RITA1: variants seen among roughly 807,000 people sequenced by gnomAD.
The protein encoded by RITA1 is RBPJ-interacting and tubulin-associated protein 1.
In RITA1, 15 loss-of-function variants were observed where a neutral mutation model predicts 8.7. The observed-to-expected ratio is 1.72, with a 90% CI of 1.15 to 2.65. RITA1 has a LOEUF of 2.65. RITA1 is among the 30% of genes most tolerant of loss of function. The pLI is 0.00. For missense variants in RITA1, 330 were observed against 363.8 expected (o/e 0.91, Z 0.76); for synonymous variants, 145 against 156.2 (o/e 0.93, Z 0.53).
chr12:113,185,861 G>A lies in RITA1; in HGVS notation c.-357G>A. On this transcript the variant is annotated 5_prime_UTR_variant, in exon 1 of 4. Transcript: ENST00000548278. ...GCGGTGCCCCGGGACGGCCTAGGCT[G>A]CCGGGGGTCCGGGGCCCCAGGCATT... 1 of 1,080,796 alleles carries A rather than the reference G, an allele frequency of 9.3e-7. No individual in the cohort carries two copies. Among genetic ancestry groups the A allele is most frequent in the African/African-American group, 1.6e-5 (1 of 63,476 alleles). 67.0% of individuals were successfully genotyped at this position (1,080,796 alleles called of 1,614,324 possible).
rs201841486 is a variant in RITA1 at position 113,186,917 on chromosome 12, G to A, written c.171G>A (p.Val57=). 6.9e-5 allele frequency: 112 copies of A among 1,614,144 alleles called. No individual in the cohort carries two copies. The highest frequency in any genetic ancestry group is 9.1e-5 in the Non-Finnish European group (107 of 1,180,028). The change falls in exon 3 of 4, where the codon GTG becomes GTA. Residue 57 remains valine, a synonymous_variant. Transcript: ENST00000548278. ...PTPPDFDPPW[V]EKANRTRGVG... is the part of the protein sequence containing the mutation. The stretch of plus-strand genomic sequence containing the variant: ...CACCGGACTTCGATCCGCCCTGGGT[G>A]GAGAAGGCTAACAGAACCAGAGGCG...
chr12:113,189,732 TAAAAAAA>T lies in RITA1; in HGVS notation c.303-1563_303-1557del, dbSNP rs34117781. On this transcript the variant is annotated intron_variant, in intron 3 of 3. Coordinates refer to ENST00000548278, the MANE Select transcript of RITA1 (RefSeq NM_032848.3). ...AGGTATGCCGTGAATATCTGTTGAA[TAAAAAAA>T]AAAAAAAAAAAAAAGGCCAGACAGG... Among the ~76,000 whole-genome samples the T allele has an allele frequency of 2.6e-3, 199 of 76,914 alleles. 2 individuals are homozygous for T. The highest frequency in any genetic ancestry group is 9.7e-3 in the African/African-American group (194 of 20,088). The allele number at this position is 76,914 out of a possible 152,430, so 50.5% of individuals were successfully genotyped here.
chr12:113,189,864 C>T (rs557363533), intron 3 of RITA1, among the ~76,000 whole-genome samples: 149 of 150,958 alleles, frequency 9.9e-4, no homozygotes, highest in African/African-American at 3.5e-3. Context: ...AGTGAGATCC[C>T]TGTCTCTACA....
In RITA1 at chr12:113,187,040, C is replaced by CA. The variant is rs1566104801; in HGVS notation, c.297dup (p.Tyr100IlefsTer12). ...CCACCCTCACACCAAGGAAGAAGAA[C>CA]AAATACAGGTAATGGGGTAGGGAGA... On this transcript the variant is annotated frameshift_variant, in exon 3 of 4. Coordinates refer to ENST00000548278, the MANE Select transcript of RITA1 (RefSeq NM_032848.3). LOFTEE classifies it low-confidence loss of function (END_TRUNC). The CA allele has an allele frequency of 6.3e-7, 1 of 1,586,642 alleles. No individual in the cohort carries two copies. Among genetic ancestry groups the CA allele is most frequent in the Non-Finnish European group, 8.6e-7 (1 of 1,165,718 alleles).
Position 113,186,672 on chromosome 12 carries a change from T to A in RITA1, c.-64-11T>A. On this transcript the variant is annotated splice_polypyrimidine_tract_variant and intron_variant, in intron 2 of 3. Coordinates refer to ENST00000548278, the MANE Select transcript of RITA1 (RefSeq NM_032848.3). ...GTGGCTCAGGGGTGCTACTCTGACC[T>A]CCTCTCACAGGGAGCCTCGGAAGCA... The A allele has an allele frequency of 6.3e-7, 1 of 1,575,740 alleles. No individual in the cohort carries two copies. Among genetic ancestry groups the A allele is most frequent in the Non-Finnish European group, 8.6e-7 (1 of 1,156,836 alleles).
rs1379744797 is a variant in RITA1 at position 113,192,132 on chromosome 12, G to A, written c.*315G>A. 2.0e-5 allele frequency: 6 copies of A among 307,532 alleles called. No individual in the cohort carries two copies. The highest frequency in any genetic ancestry group is 3.6e-5 in the Non-Finnish European group (6 of 166,354). The allele number at this position is 307,532 out of a possible 1,614,324, so 19.1% of individuals were successfully genotyped here. A position where few individuals can be genotyped will look rare whatever the true frequency, so the allele number is the denominator to read the frequency against. On this transcript the variant is annotated 3_prime_UTR_variant, in exon 4 of 4. Transcript: ENST00000548278. ...ATCATCCATTGTCTTGCTGCCAAGT[G>A]CGAATAAACGGCGTGATTGCCAACC...
intron 3 of RITA1, among the ~76,000 whole-genome samples, chr12:113,187,837 AATTGTT>A (rs1952555585): frequency 1.3e-5 from 2 of 152,148 alleles, no homozygotes; most frequent in Admixed American, 1.3e-4. Context: ...AACTAATGCA[AATTGTT>A]ATTGTTGTTA....
rs763964387 is a variant in RITA1 at position 113,186,661 on chromosome 12, C to G, written c.-64-22C>G. The G allele has an allele frequency of 1.0e-5, 16 of 1,551,256 alleles. No homozygotes were observed. The African/African-American group carries it at 2.0e-4, about 20-fold the overall frequency. On this transcript the variant is annotated intron_variant, in intron 2 of 3. Transcript: ENST00000548278. ...TTAGCACTTCTGTGGCTCAGGGGTG[C>G]TACTCTGACCTCCTCTCACAGGGAG...
rs887848154 is a variant in RITA1 at position 113,186,392 on chromosome 12, A to G, written c.-65+76A>G. The G allele has an allele frequency of 8.8e-6, 12 of 1,371,426 alleles. No homozygotes were observed. The African/African-American group carries it at 1.6e-4, about 18-fold the overall frequency. The allele number at this position is 1,371,426 out of a possible 1,614,324, so 85.0% of individuals were successfully genotyped here. A position where few individuals can be genotyped will look rare whatever the true frequency, so the allele number is the denominator to read the frequency against. On this transcript the variant is annotated intron_variant, in intron 2 of 3. Transcript: ENST00000548278. ...ACATAGGAAAGTGCCTGTCTCCCCTACCACCATAGTGTGTTTTCTGGTTGG... is the reference window on the plus strand; with the variant it reads ...ACATAGGAAAGTGCCTGTCTCCCCTGCCACCATAGTGTGTTTTCTGGTTGG...
chr12:113,188,903 G>A lies in RITA1; in HGVS notation c.302+1855G>A, dbSNP rs553391841. ...TCGGATCACTGCAGCCTCCACCTCC[G>A]GGTTCAAGGAATTCTCCTGCCTCAG... On this transcript the variant is annotated intron_variant, in intron 3 of 3. Transcript: ENST00000548278. Among the ~76,000 whole-genome samples the A allele has an allele frequency of 7.9e-5, 11 of 139,984 alleles. No individual in the cohort carries two copies. In the South Asian group the frequency reaches 1.4e-3, roughly 18 times the overall value. 91.8% of individuals were successfully genotyped at this position (139,984 alleles called of 152,430 possible).
chr12:113,186,435 G>A, intron 2 of RITA1, 119 bp downstream of exon 2: 2 of 1,372,868 alleles, frequency 1.5e-6, no homozygotes, highest in Non-Finnish European at 1.9e-6. Context: ...ATAGACACAG[G>A]TGTCATCTCT....
rs970506860 is a variant in RITA1, at chr12:113,187,040, C to A, written c.294C>A (p.Asn98Lys). 3.2e-6 allele frequency: 5 copies of A among 1,586,524 alleles called. No homozygotes were observed. In the African/African-American group the frequency reaches 5.4e-5, roughly 17 times the overall value. Residue 98 changes from asparagine to lysine, a missense_variant, in exon 3 of 4, where the codon AAC becomes AAA. By Grantham distance (94) the Asn-to-Lys change is moderately conservative. Transcript: ENST00000548278. ...STPTLTPRKK[N>K]KYRPISHTPS... Reference sequence around the variant, plus strand: ...CCACCCTCACACCAAGGAAGAAGAACAAATACAGGTAATGGGGTAGGGAGA... The same window carrying A: ...CCACCCTCACACCAAGGAAGAAGAAAAAATACAGGTAATGGGGTAGGGAGA...
intron 3 of RITA1, among the ~76,000 whole-genome samples, chr12:113,187,757 CAAAAAAAAA>C (rs34828582): frequency 9.2e-6 from 1 of 108,468 alleles, no homozygotes; most frequent in African/African-American, 3.7e-5. Context: ...ACCCTGTCTC[CAAAAAAAAA>C]AAAAAAAAAA....
chr12:113,186,969 G>C lies in RITA1; in HGVS notation c.223G>C (p.Gly75Arg). The C allele has an allele frequency of 6.2e-6, 10 of 1,613,532 alleles. No homozygotes were observed. Among genetic ancestry groups the C allele is most frequent in the Non-Finnish European group, 8.5e-6 (10 of 1,179,794 alleles). Residue 75 changes from glycine to arginine, a missense_variant, in exon 3 of 4, where the codon GGG becomes CGG. Physicochemically the swap from Gly to Arg is moderately radical, Grantham distance 125. Coordinates refer to ENST00000548278, the MANE Select transcript of RITA1 (RefSeq NM_032848.3). ...GGGCAAGGAGGCATCGAAGGCCTTG[G>C]GGGCAAAGGGGAGCTGTGAGACCAC... is the stretch of plus-strand genomic sequence containing the variant. ...GVGKEASKAL[G>R]AKGSCETTPS...
Position 113,185,733 on chromosome 12 carries a change from T to G in RITA1, c.-485T>G. 1.7e-6 allele frequency: 1 copy of G among 574,616 alleles called. No homozygotes were observed. Among genetic ancestry groups the G allele is most frequent in the South Asian group, 2.3e-5 (1 of 42,702 alleles). The allele number at this position is 574,616 out of a possible 1,614,324, so 35.6% of individuals were successfully genotyped here. A position where few individuals can be genotyped will look rare whatever the true frequency, so the allele number is the denominator to read the frequency against. On this transcript the variant is annotated 5_prime_UTR_variant, in exon 1 of 4. Coordinates refer to ENST00000548278, the MANE Select transcript of RITA1 (RefSeq NM_032848.3). ...GGGCCGCGTCCGCAGTGCTGCTGGC[T>G]GCTCCCTGGTTGCTGGGTGCAAAGT...
rs1180305406 is a variant in RITA1 at position 113,185,996 on chromosome 12, C to T, written c.-222C>T. On this transcript the variant is annotated 5_prime_UTR_variant, in exon 1 of 4. Coordinates refer to ENST00000548278, the MANE Select transcript of RITA1 (RefSeq NM_032848.3). ...TGCGGGGACGGGTCCCTGAGGATCC[C>T]GATGCCTACGAGCCAAGATGCTCAG... 4 of 1,535,852 alleles carry T rather than the reference C, an allele frequency of 2.6e-6. No homozygotes were observed. In the Admixed American group the frequency reaches 7.8e-5, roughly 30 times the overall value.
intron 3 of RITA1, among the ~76,000 whole-genome samples, chr12:113,187,922 G>A (rs1351967316): frequency 6.6e-6 from 1 of 152,242 alleles, no homozygotes; most frequent in Non-Finnish European, 1.5e-5. Context: ...GAGGTGTCTA[G>A]TGGTGAGCCA....
Position 113,185,833 on chromosome 12 carries a change from C to G in RITA1, c.-385C>G. 1 of 768,106 alleles carries G rather than the reference C, an allele frequency of 1.3e-6. No individual in the cohort carries two copies. Among genetic ancestry groups the G allele is most frequent in the Non-Finnish European group, 2.0e-6 (1 of 491,108 alleles). 47.6% of individuals were successfully genotyped at this position (768,106 alleles called of 1,614,324 possible). On this transcript the variant is annotated 5_prime_UTR_variant, in exon 1 of 4. Coordinates refer to ENST00000548278, the MANE Select transcript of RITA1 (RefSeq NM_032848.3). Reference sequence around the variant, plus strand: ...CCGGCTCCTCGGGTGAGTCCGTCCGCGCGCGGTGCCCCGGGACGGCCTAGG... The same window carrying G: ...CCGGCTCCTCGGGTGAGTCCGTCCGGGCGCGGTGCCCCGGGACGGCCTAGG...
intron 3 of RITA1, 78 bp downstream of exon 3, chr12:113,187,126 C>T (rs1322242742): frequency 7.1e-7 from 1 of 1,405,452 alleles, no homozygotes; most frequent in Non-Finnish European, 9.5e-7. Context: ...TGTTCACCTG[C>T]TCTGTGACCT....
Sources: allele counts gnomAD v4.1 joint callset (sites outside exome capture counted in the v4.1 genomes callset), GRCh38; gene constraint gnomAD v4.1.1; transcripts MANE v1.5; gene names NCBI Gene and HGNC (gene_info 2026-07-23, HGNC 2026-07-21).